TUFT1: variants seen among roughly 807,000 people sequenced by gnomAD.
TUFT1 encodes the protein tuftelin.
A neutral mutation model predicts 57.8 loss-of-function variants in TUFT1; 43 were observed. The observed-to-expected ratio is 0.74, with a 90% CI of 0.58 to 0.96. The LOEUF is 0.96. Ranked by LOEUF, TUFT1 falls within the 40% of genes least tolerant of loss-of-function variation. The pLI is 0.00. For missense variants in TUFT1, 459 were observed against 489.0 expected (o/e 0.94, Z 0.58); for synonymous variants, 166 against 176.7 (o/e 0.94, Z 0.48).
At chr1:151,562,869 G>A (rs1490861062) in intron 3 of TUFT1, among the ~76,000 whole-genome samples, 183 bp downstream of exon 3, 1 of 152,206 alleles carries the variant, frequency 6.6e-6, no homozygotes, top group African/African-American at 2.4e-5. Flanking sequence ...ACTACAGTCT[G>A]CCTGTTAGCA....
intron 10 of TUFT1, 100 bp downstream of exon 10, chr1:151,578,926 A>C: frequency 1.1e-6 from 1 of 923,338 alleles, no homozygotes; most frequent in Non-Finnish European, 1.6e-6. Flanking sequence ...TGCATTTCCC[A>C]TGTCAAACAT....
chr1:151,551,217 A>G (rs1376370790), intron 1 of TUFT1, among the ~76,000 whole-genome samples: 28 of 152,096 alleles, frequency 1.8e-4, no homozygotes, highest in Admixed American at 1.8e-3. Context: ...TTCCTCTGCT[A>G]CTTTTCTGTG....
At chr1:151,551,812 A>G (rs1665519735) in intron 1 of TUFT1, among the ~76,000 whole-genome samples, 1 of 152,208 alleles carries the variant, frequency 6.6e-6, no homozygotes, top group South Asian at 2.1e-4. Context: ...AGGGGACTCT[A>G]ATACCATAAT....
chr1:151,561,774 A>G, intron 1 of TUFT1: 1 of 1,354,306 alleles, frequency 7.4e-7, no homozygotes, highest in Non-Finnish European at 9.7e-7. Flanking sequence ...CTACAACTAG[A>G]GAAAGAAGAA....
chr1:151,555,622 C>T (rs1290933472), intron 1 of TUFT1, among the ~76,000 whole-genome samples: 2 of 151,414 alleles, frequency 1.3e-5, no homozygotes, highest in Non-Finnish European at 2.9e-5. Context: ...ACTAAAAATA[C>T]AAAAATTAGC....
At chr1:151,544,989 A>G (rs1358671594) in intron 1 of TUFT1, among the ~76,000 whole-genome samples, 1 of 152,154 alleles carries the variant, frequency 6.6e-6, no homozygotes, top group Middle Eastern at 3.2e-3. Context: ...GTAATAAACT[A>G]GTTTCTGTTA....
chr1:151,542,081 A>C (rs141844083), intron 1 of TUFT1, among the ~76,000 whole-genome samples: 1 of 152,228 alleles, frequency 6.6e-6, no homozygotes, highest in East Asian at 1.9e-4. Context: ...AAGGAGAGGG[A>C]TGTTTGGGCT....
Position 151,582,369 on chromosome 1 carries a change from C to T in TUFT1, c.*662C>T. 2.7e-6 allele frequency: 1 copy of T among 372,274 alleles called. No homozygotes were observed. The highest frequency in any genetic ancestry group is 5.3e-6 in the Non-Finnish European group (1 of 188,254). The allele number at this position is 372,274 out of a possible 1,614,324, so 23.1% of individuals were successfully genotyped here. ...TTTGCGGAAAAATTCTCTAGGGCTA[C>T]AGACAGTCATGTGTGACTTCTCTCT... On this transcript the variant is annotated 3_prime_UTR_variant, in exon 13 of 13. Coordinates refer to ENST00000368849, the MANE Select transcript of TUFT1 (RefSeq NM_020127.3).
At chr1:151,555,258 G>A (rs1200037401) in intron 1 of TUFT1, among the ~76,000 whole-genome samples, 1 of 150,678 alleles carries the variant, frequency 6.6e-6, no homozygotes, top group Admixed American at 6.6e-5. Flanking sequence ...GAACTGGGGA[G>A]TCAGAGGGTG....
rs1553249393 is a variant in TUFT1 at position 151,554,695 on chromosome 1, C to CCT, written c.61-7396_61-7395insCT. 1.1e-3 allele frequency among the ~76,000 whole-genome samples: 92 copies of CCT among 85,674 alleles called. 11 individuals carry two copies. The highest frequency in any genetic ancestry group is 0.019 in the Middle Eastern group (2 of 104). The allele number at this position is 85,674 out of a possible 152,430, so 56.2% of individuals were successfully genotyped here. ...ACTGTGAACCACTGTGCCCGGCCCCCTTTTTTTTTTTTTTTTTTTTTTTTT... is the reference window on the plus strand; with the variant it reads ...ACTGTGAACCACTGTGCCCGGCCCCCCTTTTTTTTTTTTTTTTTTTTTTTTTT... On this transcript the variant is annotated intron_variant, in intron 1 of 12. Transcript: ENST00000368849.
intron 2 of TUFT1, among the ~76,000 whole-genome samples, 173 bp downstream of exon 2, chr1:151,562,338 A>T (rs1309837483): frequency 6.6e-6 from 1 of 152,158 alleles, no homozygotes; most frequent in African/African-American, 2.4e-5. Flanking sequence ...GGGCAGGAGG[A>T]GTCCCCCACT....
rs1278475962 is a variant in TUFT1 at position 151,582,380 on chromosome 1, G to A, written c.*673G>A. 2.8e-6 allele frequency: 1 copy of A among 363,306 alleles called. No individual in the cohort carries two copies. Among genetic ancestry groups the A allele is most frequent in the Non-Finnish European group, 5.4e-6 (1 of 184,234 alleles). The allele number at this position is 363,306 out of a possible 1,614,324, so 22.5% of individuals were successfully genotyped here. ...ATTCTCTAGGGCTACAGACAGTCATGTGTGACTTCTCTCTGCTGTGAAAAC... is the reference window on the plus strand; with the variant it reads ...ATTCTCTAGGGCTACAGACAGTCATATGTGACTTCTCTCTGCTGTGAAAAC... On this transcript the variant is annotated 3_prime_UTR_variant, in exon 13 of 13. Transcript: ENST00000368849.
intron 1 of TUFT1, 53 bp downstream of exon 1, chr1:151,540,479 G>T: frequency 6.2e-7 from 1 of 1,606,350 alleles, no homozygotes; most frequent in Non-Finnish European, 8.5e-7. Flanking sequence ...CGGTTTCTAA[G>T]TCCGCCCCTT....
chr1:151,545,477 G>A (rs1665305231), intron 1 of TUFT1, among the ~76,000 whole-genome samples: 1 of 152,154 alleles, frequency 6.6e-6, no homozygotes. Context: ...TTCTCATAAG[G>A]TAGTTGTGAG....
rs1665989088 is a variant in TUFT1 at position 151,564,131 on chromosome 1, G to T, written c.324+141G>T. The T allele has an allele frequency of 9.1e-6, 6 of 657,218 alleles. No individual in the cohort carries two copies. The East Asian group carries it at 1.6e-4, about 18-fold the overall frequency. 40.7% of individuals were successfully genotyped at this position (657,218 alleles called of 1,614,324 possible). ...CTGAAATGCCACCATGCCCTCCCGT[G>T]TGTCAAATATATAACTTTTGACCAT... On this transcript the variant is annotated intron_variant, in intron 4 of 12. Coordinates refer to ENST00000368849, the MANE Select transcript of TUFT1 (RefSeq NM_020127.3).
chr1:151,554,272 C>G (rs1369794828), intron 1 of TUFT1, among the ~76,000 whole-genome samples: 1 of 152,226 alleles, frequency 6.6e-6, no homozygotes, highest in East Asian at 1.9e-4. Flanking sequence ...ATCCAGGATT[C>G]AGTCCAGGAT....
intron 1 of TUFT1, among the ~76,000 whole-genome samples, chr1:151,550,095 C>T (rs1032876639): frequency 6.6e-6 from 1 of 152,096 alleles, no homozygotes; most frequent in East Asian, 1.9e-4. Context: ...CTGCACCTCT[C>T]TCCTTATCTC....
chr1:151,546,003 C>CTTTTTTTTTTTT (rs34362343), intron 1 of TUFT1: 1 of 200,410 alleles, frequency 5.0e-6, no homozygotes, highest in African/African-American at 2.8e-5. Flanking sequence ...GCATTTTTTT[C>CTTTTTTTTTTTT]TTTTTTTTTT....
At chr1:151,576,081 G>A (rs1666454278) in intron 9 of TUFT1, among the ~76,000 whole-genome samples, 2 of 152,124 alleles carry the variant, frequency 1.3e-5, no homozygotes, top group African/African-American at 4.8e-5. Context: ...TGCCATGTAC[G>A]TGCTGATTTT....
Sources: allele counts gnomAD v4.1 joint callset (sites outside exome capture counted in the v4.1 genomes callset), GRCh38; gene constraint gnomAD v4.1.1; transcripts MANE v1.5; gene names NCBI Gene and HGNC (gene_info 2026-07-23, HGNC 2026-07-21).